Variants in EPCIP observed in about 807,000 individuals in gnomAD.
EPCIP encodes exosomal polycystin-1-interacting protein.
chr21:32,805,361 T>A, the EPCIP span, among the ~76,000 whole-genome samples: 2 of 103,666 alleles, frequency 1.9e-5, no homozygotes, highest in African/African-American at 3.6e-5. Context: ...GTAGATTATA[T>A]TTTTTTTTTT....
At chr21:32,794,808 A>G in the EPCIP span, among the ~76,000 whole-genome samples, 4 of 152,206 alleles carry the variant, frequency 2.6e-5, no homozygotes, top group Non-Finnish European at 4.4e-5. Context: ...GACCTACCGC[A>G]TCCTATCTAT....
At chr21:32,809,279 C>CCTTCCTTCCTTT in the EPCIP span, among the ~76,000 whole-genome samples, 9 of 80,064 alleles carry the variant, frequency 1.1e-4, no homozygotes, top group African/African-American at 4.2e-4. Context: ...CTCCCTCCTT[C>CCTTCCTTCCTTT]CTTTCTTTCT....
At chr21:32,810,621 T>A in the EPCIP span, 34 of 471,540 alleles carry the variant, frequency 7.2e-5, no homozygotes, top group Non-Finnish European at 1.5e-4. Flanking sequence ...GTCTTCTGTA[T>A]GTGCGTCCAC....
the EPCIP span, among the ~76,000 whole-genome samples, chr21:32,809,004 C>T: frequency 6.6e-6 from 1 of 151,978 alleles, no homozygotes; most frequent in Non-Finnish European, 1.5e-5. Flanking sequence ...GGCACAACTC[C>T]AAATGAATTC....
At chr21:32,793,172 G>A in the EPCIP span, among the ~76,000 whole-genome samples, 1 of 151,986 alleles carries the variant, frequency 6.6e-6, no homozygotes, top group Non-Finnish European at 1.5e-5. Flanking sequence ...GGTCAGGCTG[G>A]TCTTGAACTC....
chr21:32,802,822 C>T, the EPCIP span, among the ~76,000 whole-genome samples: 17 of 152,306 alleles, frequency 1.1e-4, no homozygotes, highest in Non-Finnish European at 4.4e-5. Context: ...CTCTCTGTCT[C>T]CCAGGCTGGA....
chr21:32,800,085 T>C, the EPCIP span, among the ~76,000 whole-genome samples: 1 of 152,278 alleles, frequency 6.6e-6, no homozygotes, highest in Admixed American at 6.5e-5. Flanking sequence ...ATTTGTCTTT[T>C]GTGTTAGGAC....
At chr21:32,794,417 G>A in the EPCIP span, 3 of 1,610,976 alleles carry the variant, frequency 1.9e-6, no homozygotes, top group Non-Finnish European at 2.5e-6. Context: ...GGAAGGTGGT[G>A]CCATGCTTGC....
At chr21:32,812,233 TC>T in the EPCIP span, among the ~76,000 whole-genome samples, 3 of 152,194 alleles carry the variant, frequency 2.0e-5, no homozygotes, top group African/African-American at 7.2e-5. Context: ...CTTCAGGCTT[TC>T]CCCTTGAGTG....
chr21:32,809,182 C>CATGTGT, the EPCIP span, among the ~76,000 whole-genome samples: 61 of 121,146 alleles, frequency 5.0e-4, no homozygotes, highest in Admixed American at 4.9e-3. Flanking sequence ...TCGAGGGGTG[C>CATGTGT]GTGTGTGTGT....
the EPCIP span, chr21:32,798,938 G>T: frequency 1.3e-5 from 2 of 152,184 alleles, no homozygotes; most frequent in Admixed American, 1.3e-4. Flanking sequence ...ACTCCAGCCT[G>T]AGTGACAGAG....
chr21:32,796,110 G>A, the EPCIP span, among the ~76,000 whole-genome samples: 1 of 151,830 alleles, frequency 6.6e-6, no homozygotes. Flanking sequence ...CCCTCTGCTA[G>A]CCATGGGGGT....
At chr21:32,801,746 G>A in the EPCIP span, among the ~76,000 whole-genome samples, 1 of 152,186 alleles carries the variant, frequency 6.6e-6, no homozygotes, top group Non-Finnish European at 1.5e-5. Flanking sequence ...AGGAAGCTGA[G>A]GCAGCAGAAT....
the EPCIP span, among the ~76,000 whole-genome samples, chr21:32,804,749 G>A: frequency 1.3e-5 from 2 of 152,050 alleles, no homozygotes; most frequent in African/African-American, 2.4e-5. Context: ...ATTTACAAAC[G>A]TCCTCCTGTA....
the EPCIP span, among the ~76,000 whole-genome samples, chr21:32,809,627 T>C: frequency 6.6e-6 from 1 of 152,064 alleles, no homozygotes; most frequent in Non-Finnish European, 1.5e-5. Flanking sequence ...CCGCCCAAAG[T>C]GTGGGGATTA....
the EPCIP span, among the ~76,000 whole-genome samples, chr21:32,809,279 C>CTTTCTTTCTTTCTTTCTTTCTTTCT: frequency 5.9e-4 from 47 of 80,066 alleles, 2 homozygotes; most frequent in Middle Eastern, 0.027. Context: ...CTCCCTCCTT[C>CTTTCTTTCTTTCTTTCTTTCTTTCT]CTTTCTTTCT....
chr21:32,792,746 C>T, the EPCIP span, among the ~76,000 whole-genome samples: 342 of 152,288 alleles, frequency 2.2e-3, no homozygotes, highest in Non-Finnish European at 3.5e-3. Context: ...ATCCCTCTCT[C>T]TGGAACACTG....
At chr21:32,806,803 A>G in the EPCIP span, among the ~76,000 whole-genome samples, 1 of 152,136 alleles carries the variant, frequency 6.6e-6, no homozygotes, top group Non-Finnish European at 1.5e-5. Context: ...TTGTTGGTTT[A>G]CTGTGGGGTT....
chr21:32,791,897 T>C, the EPCIP span, among the ~76,000 whole-genome samples: 79 of 152,048 alleles, frequency 5.2e-4, no homozygotes, highest in Non-Finnish European at 6.0e-4. Context: ...CAGTGGATTC[T>C]TTTTTCTTTT....
Sources: gnomAD v4.1 joint callset for allele counts (sites outside exome capture counted in the v4.1 genomes callset) on GRCh38, gnomAD v4.1.1 for gene constraint, MANE v1.5 for transcripts, NCBI Gene and HGNC (gene_info 2026-07-23, HGNC 2026-07-21) for gene names.